AK9: variants seen among roughly 807,000 people sequenced by gnomAD.
AK9 encodes adenylate kinase 9.
AK9 carries 191 observed loss-of-function variants against 239.6 expected under a neutral mutation model. That is an observed-to-expected ratio of 0.80 (90% CI 0.71 to 0.90). AK9 has a LOEUF of 0.90. Ranked by LOEUF, AK9 falls within the 40% of genes least tolerant of loss-of-function variation. The pLI is 0.00. For synonymous variants in AK9, 689 were observed against 721.0 expected (o/e 0.96, Z 0.71); for missense variants, 1,995 against 2,214.7 (o/e 0.90, Z 1.99).
At chr6:109,522,628 TGAGA>T (rs1779988581) in intron 29 of AK9, among the ~76,000 whole-genome samples, 1 of 152,152 alleles carries the variant, frequency 6.6e-6, no homozygotes, top group African/African-American at 2.4e-5. Context: ...TTGAATTTTC[TGAGA>T]GAAAGTGAAA....
intron 24 of AK9, among the ~76,000 whole-genome samples, chr6:109,555,823 T>C (rs1427477465): frequency 6.6e-6 from 1 of 152,232 alleles, no homozygotes; most frequent in Non-Finnish European, 1.5e-5. Context: ...GAGACTAAGA[T>C]TGTGACCCCT....
At chr6:109,690,111 G>C (rs1774117121) in intron 1 of AK9, among the ~76,000 whole-genome samples, 1 of 152,106 alleles carries the variant, frequency 6.6e-6, no homozygotes, top group Admixed American at 6.5e-5. Context: ...ATCTGGGTAT[G>C]CTATAATTCT....
chr6:109,576,304 A>C (rs1031864556), intron 20 of AK9, among the ~76,000 whole-genome samples: 1 of 150,264 alleles, frequency 6.7e-6, no homozygotes. Context: ...CCCATCCATG[A>C]GCATGGGATG....
intron 10 of AK9, among the ~76,000 whole-genome samples, chr6:109,638,893 C>T (rs1296313620): frequency 6.6e-6 from 1 of 152,156 alleles, no homozygotes; most frequent in Non-Finnish European, 1.5e-5. Context: ...TGAGTGAGAA[C>T]ATGCAGTGTT....
At chr6:109,634,947 C>G (rs1003717533) in intron 10 of AK9, among the ~76,000 whole-genome samples, 2 of 152,190 alleles carry the variant, frequency 1.3e-5, no homozygotes, top group African/African-American at 4.8e-5. Flanking sequence ...CATGGGGCCA[C>G]ACGTTCAGCA....
At position 109,686,021 on chromosome 6, in the gene AK9, G is replaced by A. The variant is rs184863224; in HGVS notation, c.-12+5126C>T. 7.2e-5 allele frequency among the ~76,000 whole-genome samples: 11 copies of A among 152,208 alleles called. No homozygotes were observed. In the East Asian group the frequency reaches 2.1e-3, roughly 29 times the overall value. On this transcript the variant is annotated intron_variant, in intron 1 of 40. Transcript: ENST00000424296. ...AGACACAGTCTCTTGTATTTTTTAC[G>A]CAGCTGATGATCTGGCAATGTGTGC...
At chr6:109,638,511 GC>G in intron 10 of AK9, among the ~76,000 whole-genome samples, 1 of 152,236 alleles carries the variant, frequency 6.6e-6, no homozygotes, top group Middle Eastern at 3.4e-3. Context: ...ACAGGGTCTT[GC>G]TTTATCACGC....
At chr6:109,619,961 G>C (rs1794622615) in intron 12 of AK9, among the ~76,000 whole-genome samples, 1 of 152,110 alleles carries the variant, frequency 6.6e-6, no homozygotes, top group Non-Finnish European at 1.5e-5. Flanking sequence ...TTAGCAGAAT[G>C]TTTTGGAGAT....
At chr6:109,612,874 C>T (rs1304122998) in intron 15 of AK9, among the ~76,000 whole-genome samples, 1 of 150,062 alleles carries the variant, frequency 6.7e-6, no homozygotes, top group Non-Finnish European at 1.5e-5. Flanking sequence ...TATATATAAA[C>T]TTACACAAAT....
intron 21 of AK9, among the ~76,000 whole-genome samples, chr6:109,569,128 C>G (rs1787015820): frequency 6.6e-6 from 1 of 152,050 alleles, no homozygotes. Context: ...TAATACCACA[C>G]ATCTACAACC....
intron 29 of AK9, among the ~76,000 whole-genome samples, chr6:109,523,577 G>C (rs1458686702): frequency 1.3e-5 from 2 of 152,128 alleles, no homozygotes; most frequent in Non-Finnish European, 2.9e-5. Flanking sequence ...TTCTGATTTT[G>C]TTCATTTGCC....
At chr6:109,506,185 A>G (rs1778099325) in intron 35 of AK9, 142 bp downstream of exon 35, 1 of 703,366 alleles carries the variant, frequency 1.4e-6, no homozygotes. Context: ...ACTATTATAT[A>G]TAGTATTGGA....
Position 109,614,254 on chromosome 6 carries a change from AC to A in AK9, c.1537del (p.Val513TrpfsTer46). 1 of 1,551,438 alleles carries A rather than the reference AC, an allele frequency of 6.4e-7. No individual in the cohort carries two copies. Among genetic ancestry groups the A allele is most frequent in the Non-Finnish European group, 8.7e-7 (1 of 1,146,772 alleles). On this transcript the variant is annotated frameshift_variant, in exon 15 of 41. Transcript: ENST00000424296. LOFTEE classifies it high-confidence loss of function. Reference sequence around the variant, plus strand: ...CTTTGTTTTGGCTTCTTCGGTGTCCACTAAAGAGCTGCCTCTGTCCCTTTGG... The same window carrying A: ...CTTTGTTTTGGCTTCTTCGGTGTCCATAAAGAGCTGCCTCTGTCCCTTTGG... Reference protein sequence around the residue: ...GSQRDRGSSLVDTEEAKTKSE... With the variant: ...GSQRDRGSSLXDTEEAKTKSE...
intron 27 of AK9, among the ~76,000 whole-genome samples, chr6:109,540,607 G>C (rs374759442): frequency 7.8e-4 from 119 of 152,270 alleles, no homozygotes; most frequent in South Asian, 2.3e-3. Flanking sequence ...TGCACCCACT[G>C]TCCTGCACCC....
intron 12 of AK9, among the ~76,000 whole-genome samples, chr6:109,627,351 G>A (rs977463825): frequency 6.6e-6 from 1 of 151,954 alleles, no homozygotes; most frequent in African/African-American, 2.4e-5. Context: ...ACAAGTAGAA[G>A]GAGTACATTC....
At chr6:109,675,250 T>C (rs1479485589) in intron 2 of AK9, among the ~76,000 whole-genome samples, 1 of 152,206 alleles carries the variant, frequency 6.6e-6, no homozygotes, top group Non-Finnish European at 1.5e-5. Context: ...GTGCAGTGTT[T>C]TGGTAAGTTA....
intron 24 of AK9, 61 bp from the exon 25 acceptor site, chr6:109,550,363 AT>A: frequency 7.0e-7 from 1 of 1,433,040 alleles, no homozygotes; most frequent in Non-Finnish European, 9.5e-7. Context: ...GATGCAGATA[AT>A]TTTTTAAAAT....
At chr6:109,559,287 C>G (rs946730178) in intron 24 of AK9, among the ~76,000 whole-genome samples, 3 of 152,114 alleles carry the variant, frequency 2.0e-5, no homozygotes, top group Non-Finnish European at 2.9e-5. Context: ...CCTGCCTCAG[C>G]CTCCCGAGTA....
intron 12 of AK9, among the ~76,000 whole-genome samples, chr6:109,622,960 C>T (rs1018517891): frequency 2.0e-5 from 3 of 152,138 alleles, no homozygotes; most frequent in East Asian, 1.9e-4. Flanking sequence ...AGGTACACAT[C>T]GAAATTAGGT....
Sources: gnomAD v4.1 joint callset for allele counts (sites outside exome capture counted in the v4.1 genomes callset) on GRCh38, gnomAD v4.1.1 for gene constraint, MANE v1.5 for transcripts, NCBI Gene and HGNC (gene_info 2026-07-23, HGNC 2026-07-21) for gene names.